NAV3: variants seen among roughly 807,000 people sequenced by gnomAD.
NAV3 encodes the protein neuron navigator 3.
In NAV3, 87 loss-of-function variants were observed where a neutral mutation model predicts 244.7. That is an observed-to-expected ratio of 0.36 (90% CI 0.30 to 0.42). NAV3 has a LOEUF of 0.42. NAV3 is among the 20% of genes least tolerant of loss of function. The probability of loss-of-function intolerance (pLI) is 1.00; values close to 1 mark genes in which losing one functional copy is unlikely to be tolerated. For synonymous variants in NAV3, 1,126 were observed against 1,042.2 expected, an observed-to-expected ratio of 1.08 and a Z score of -1.55; for missense variants, 2,663 against 2,893.3, an observed-to-expected ratio of 0.92 and a Z score of 1.83.
chr12:78,139,519 G>A (rs1008699562), intron 19 of NAV3, among the ~76,000 whole-genome samples: 4 of 152,034 alleles, frequency 2.6e-5, no homozygotes, highest in African/African-American at 9.7e-5. Context: ...TGCACAATGA[G>A]CAGAAATAAA....
At chr12:77,974,751 C>T (rs1206416197) in intron 5 of NAV3, among the ~76,000 whole-genome samples, 1 of 152,180 alleles carries the variant, frequency 6.6e-6, no homozygotes, top group Non-Finnish European at 1.5e-5. Flanking sequence ...TGCTCAAATT[C>T]CAGTGTTCTT....
intron 1 of NAV3, among the ~76,000 whole-genome samples, chr12:77,866,092 G>T (rs1422299854): frequency 6.6e-6 from 1 of 151,834 alleles, no homozygotes; most frequent in Non-Finnish European, 1.5e-5. Context: ...TAAGCACATA[G>T]TTCAAAAGCA....
chr12:77,750,606 A>G (rs373184050), intron 2 of NAV3, among the ~76,000 whole-genome samples: 3 of 151,830 alleles, frequency 2.0e-5, no homozygotes, highest in Non-Finnish European at 2.9e-5. Flanking sequence ...CAGAGCTGGG[A>G]GGGATATAGG....
In NAV3 at chr12:78,123,576, T is replaced by G. The variant is rs147053673; in HGVS notation, c.4238+1148T>G. Among the ~76,000 whole-genome samples, 1,508 of 152,270 alleles carry G rather than the reference T, an allele frequency of 9.9e-3. 20 individuals are homozygous for G. Among genetic ancestry groups the G allele is most frequent in the African/African-American group, 0.033 (1,382 of 41,540 alleles). ...GAGCAAAACATTGCTTCTTTCCCTC[T>G]TTACTTCCTACTTGCCTAACAATGA... On this transcript the variant is annotated intron_variant, in intron 16 of 39. Transcript: ENST00000397909.
intron 18 of NAV3, among the ~76,000 whole-genome samples, chr12:78,135,231 G>T (rs1956323533): frequency 6.6e-6 from 1 of 152,050 alleles, no homozygotes. Flanking sequence ...CTGCCCTACT[G>T]GCTACTCTTG....
intron 7 of NAV3, among the ~76,000 whole-genome samples, chr12:78,005,792 C>T (rs1019261611): frequency 2.0e-5 from 3 of 152,180 alleles, no homozygotes; most frequent in Non-Finnish European, 4.4e-5. Flanking sequence ...CTTCCCACTT[C>T]AATGGGCTGT....
At chr12:78,087,722 A>G (rs1055186332) in intron 12 of NAV3, among the ~76,000 whole-genome samples, 2 of 151,986 alleles carry the variant, frequency 1.3e-5, no homozygotes, top group African/African-American at 4.8e-5. Flanking sequence ...TTTTCTATAC[A>G]TATTCCTTCA....
intron 30 of NAV3, among the ~76,000 whole-genome samples, chr12:78,183,975 T>G (rs300516): frequency 0.39 from 59,138 of 151,612 alleles, 12,457 homozygotes; most frequent in Non-Finnish European, 0.48. Context: ...CTTTTTCCCT[T>G]GTTCTTCACT....
intron 2 of NAV3, among the ~76,000 whole-genome samples, chr12:77,651,757 T>C (rs1464430939): frequency 1.3e-5 from 2 of 152,214 alleles, no homozygotes; most frequent in Admixed American, 1.3e-4. Context: ...ATTTACTAAC[T>C]CATGTCATTA....
At chr12:77,765,836 GAAGAGGGAC>G (rs1869721992) in intron 2 of NAV3, among the ~76,000 whole-genome samples, 1 of 152,074 alleles carries the variant, frequency 6.6e-6, no homozygotes, top group Admixed American at 6.5e-5. Flanking sequence ...TAAAATTAGA[GAAGAGGGAC>G]AAGCAAGATA....
chr12:77,873,734 A>ATGTGTG (rs374693432), intron 1 of NAV3, among the ~76,000 whole-genome samples: 3,267 of 85,242 alleles, frequency 0.038, 255 homozygotes, highest in African/African-American at 0.11. Context: ...CTAAATACAT[A>ATGTGTG]TGTGTGTGTG....
At chr12:78,147,835 A>G (rs1956925047) in intron 21 of NAV3, among the ~76,000 whole-genome samples, 1 of 152,062 alleles carries the variant, frequency 6.6e-6, no homozygotes, top group Non-Finnish European at 1.5e-5. Flanking sequence ...AACTACAACT[A>G]TAGATAAGAT....
intron 2 of NAV3, among the ~76,000 whole-genome samples, chr12:77,620,383 C>T (rs979655070): frequency 5.3e-5 from 8 of 152,104 alleles, no homozygotes; most frequent in African/African-American, 1.4e-4. Flanking sequence ...TGCAGTTATC[C>T]CAGTGGAATT....
At chr12:77,937,858 A>G (rs772424613) in intron 1 of NAV3, among the ~76,000 whole-genome samples, 33 of 152,214 alleles carry the variant, frequency 2.2e-4, no homozygotes, top group Non-Finnish European at 3.8e-4. Flanking sequence ...TAATAATAGC[A>G]AGCATGTTTT....
chr12:78,137,299 A>C lies in NAV3; in HGVS notation c.4564A>C (p.Thr1522Pro), dbSNP rs776322149. Reference sequence around the variant, plus strand: ...TGACTCCCAGCTTTGTGGGAGTGCCACTTCTCTGGAGGAAAGACCTCGTGC... The same window carrying C: ...TGACTCCCAGCTTTGTGGGAGTGCCCCTTCTCTGGAGGAAAGACCTCGTGC... Reference protein sequence around the residue: ...YDDSQLCGSATSLEERPRAIS... With the variant: ...YDDSQLCGSAPSLEERPRAIS... Residue 1522 changes from threonine to proline, a missense_variant, in exon 19 of 40, where the codon ACT (threonine) becomes CCT (proline). Physicochemically the swap from Thr to Pro is conservative, Grantham distance 38. This residue lies in a region of NAV3 where 354 missense variants were observed against 413.0 expected (regional missense o/e 0.86). Coordinates refer to ENST00000397909, the MANE Select transcript of NAV3 (RefSeq NM_001024383.2). The C allele has an allele frequency of 1.2e-6, 2 of 1,613,462 alleles. No individual in the cohort carries two copies. The highest frequency in any genetic ancestry group is 2.7e-5 in the African/African-American group (2 of 74,850).
rs186711403 is a variant in NAV3 at position 78,103,929 on chromosome 12, A to T, written c.2637-12843A>T. ...CCAAACTATATCACATGGATTTCTTATACTTTTGCTTTTAATAACACAAAC... is the reference window on the plus strand; with the variant it reads ...CCAAACTATATCACATGGATTTCTTTTACTTTTGCTTTTAATAACACAAAC... On this transcript the variant is annotated intron_variant, in intron 12 of 39. Coordinates refer to ENST00000397909, the MANE Select transcript of NAV3 (RefSeq NM_001024383.2). Among the ~76,000 whole-genome samples, 14 of 152,348 alleles carry T rather than the reference A, an allele frequency of 9.2e-5. No individual in the cohort carries two copies. In the East Asian group the frequency reaches 2.5e-3, roughly 27 times the overall value.
At chr12:77,689,274 G>T (rs1412208577) in intron 2 of NAV3, among the ~76,000 whole-genome samples, 1 of 151,950 alleles carries the variant, frequency 6.6e-6, no homozygotes, top group Non-Finnish European at 1.5e-5. Flanking sequence ...TTATATGCCA[G>T]TGTTCAAGTC....
chr12:78,121,826 C>G, intron 15 of NAV3, 114 bp from the exon 16 acceptor site: 2 of 1,323,612 alleles, frequency 1.5e-6, no homozygotes, highest in Non-Finnish European at 2.1e-6. Context: ...ACAGGAAGTG[C>G]TTTGTAGTTC....
In NAV3 at chr12:77,998,073, A is replaced by G. The variant is rs146983501; in HGVS notation, c.741-264A>G. Among the ~76,000 whole-genome samples, 23 of 152,304 alleles carry G rather than the reference A, an allele frequency of 1.5e-4. No individual in the cohort carries two copies. The East Asian group carries it at 4.2e-3, about 28-fold the overall frequency. ...AGTTTTATTCATCAGGGATGGGGTG[A>G]GTATGACTTTTTTAGTTAAGATTTA... On this transcript the variant is annotated intron_variant, in intron 6 of 39. Coordinates refer to ENST00000397909, the MANE Select transcript of NAV3 (RefSeq NM_001024383.2).
Sources: gnomAD v4.1 joint callset for allele counts (sites outside exome capture counted in the v4.1 genomes callset) on GRCh38, gnomAD v4.1.1 for gene constraint, gnomAD v4.1.1 regional missense constraint, MANE v1.5 for transcripts, NCBI Gene and HGNC (gene_info 2026-07-23, HGNC 2026-07-21) for gene names.